RREB1: variants seen among roughly 807,000 people sequenced by gnomAD.
The protein encoded by RREB1 is ras-responsive element-binding protein 1.
Under a neutral mutation model 117.8 loss-of-function variants are expected in RREB1, and 27 were observed. The observed-to-expected ratio is 0.23, with a 90% CI of 0.17 to 0.32. RREB1 has a LOEUF of 0.32. Among genes scored for constraint, RREB1 ranks in the 10% least tolerant of loss-of-function variants. The pLI, the probability that RREB1 is intolerant of heterozygous loss-of-function variation, is 1.00. For synonymous variants in RREB1, 1,298 were observed against 1,026.7 expected (o/e 1.26, Z -5.05); for missense variants, 2,577 against 2,378.2 (o/e 1.08, Z -1.74).
intron 1 of RREB1, among the ~76,000 whole-genome samples, chr6:7,159,058 T>C (rs1432280769): frequency 4.6e-5 from 7 of 152,200 alleles, no homozygotes; most frequent in South Asian, 4.1e-4. Flanking sequence ...CCTCCTTTTA[T>C]AGCCGATTTA....
In RREB1 at chr6:7,251,014, GTTA is replaced by G. The variant is rs1018955535; in HGVS notation, c.*2055_*2057del. The G allele has an allele frequency of 5.9e-5, 9 of 151,752 alleles. No individual in the cohort carries two copies. Among genetic ancestry groups the G allele is most frequent in the African/African-American group, 1.2e-4 (5 of 41,286 alleles). The allele number at this position is 151,752 out of a possible 1,614,324, so 9.4% of individuals were successfully genotyped here. ...TACAGTTGTTATTGTTGTTTTTGTT[GTTA>G]TTATTATTTGGGGTTTCTTGTGTTT... On this transcript the variant is annotated 3_prime_UTR_variant, in exon 13 of 13. Transcript: ENST00000379938.
intron 8 of RREB1, among the ~76,000 whole-genome samples, chr6:7,224,467 G>A (rs1767460329): frequency 6.6e-6 from 1 of 152,044 alleles, no homozygotes; most frequent in African/African-American, 2.4e-5. Context: ...GTGGCGAGGT[G>A]ATGGATTGGC....
At chr6:7,119,867 G>A (rs1761595431) in intron 1 of RREB1, among the ~76,000 whole-genome samples, 1 of 152,296 alleles carries the variant, frequency 6.6e-6, no homozygotes, top group South Asian at 2.1e-4. Flanking sequence ...TTGAAAACCG[G>A]TGGTGGCAGT....
rs554401842 is a variant in RREB1, at chr6:7,211,746, G to A, written c.707+37G>A. On this transcript the variant is annotated intron_variant, in intron 8 of 12. Coordinates refer to ENST00000379938, the MANE Select transcript of RREB1 (RefSeq NM_001003699.4). ...AGTGAACTAGACCTTGTTCATTCCT[G>A]TTTCTCCTGGCATGTGACAATGTTC... 5.0e-6 allele frequency: 8 copies of A among 1,608,748 alleles called. No individual in the cohort carries two copies. The African/African-American group carries it at 9.3e-5, about 19-fold the overall frequency.
chr6:7,128,215 C>T (rs1218585666), intron 1 of RREB1, among the ~76,000 whole-genome samples: 1 of 152,176 alleles, frequency 6.6e-6, no homozygotes, highest in East Asian at 1.9e-4. Context: ...ATTTCCATCA[C>T]TGAAAACAGA....
chr6:7,237,927 C>T (rs923045416), intron 10 of RREB1, among the ~76,000 whole-genome samples: 1 of 152,164 alleles, frequency 6.6e-6, no homozygotes, highest in Non-Finnish European at 1.5e-5. Context: ...TTAATAGGGA[C>T]CTTCTCATGG....
At chr6:7,217,481 A>T (rs200254605) in intron 8 of RREB1, 3 of 152,076 alleles carry the variant, frequency 2.0e-5, no homozygotes, top group East Asian at 3.9e-4. Context: ...GGCATTAAGG[A>T]TGTGTGGGTC....
intron 1 of RREB1, among the ~76,000 whole-genome samples, chr6:7,113,322 T>C (rs189524601): frequency 6.6e-6 from 1 of 152,328 alleles, no homozygotes; most frequent in East Asian, 1.9e-4. Flanking sequence ...TGTTTTTCTC[T>C]AGTTTGCTTG....
At chr6:7,170,676 TC>T (rs1764164707) in intron 1 of RREB1, among the ~76,000 whole-genome samples, 1 of 152,200 alleles carries the variant, frequency 6.6e-6, no homozygotes, top group Non-Finnish European at 1.5e-5. Context: ...CCTGCATAGA[TC>T]CATTCCTCCC....
At chr6:7,172,052 C>T (rs775426312) in intron 1 of RREB1, among the ~76,000 whole-genome samples, 1 of 151,640 alleles carries the variant, frequency 6.6e-6, no homozygotes, top group Non-Finnish European at 1.5e-5. Context: ...CTCATGCAAT[C>T]CTCCTGCCTC....
intron 1 of RREB1, among the ~76,000 whole-genome samples, chr6:7,120,675 AT>A (rs5874078): frequency 0.62 from 89,576 of 145,544 alleles, 29,081 homozygotes; most frequent in Non-Finnish European, 0.74. Flanking sequence ...ATGTACACCT[AT>A]TTTTTTTTTT....
chr6:7,173,654 A>G (rs931283033), intron 1 of RREB1, among the ~76,000 whole-genome samples: 1 of 152,164 alleles, frequency 6.6e-6, no homozygotes, highest in African/African-American at 2.4e-5. Flanking sequence ...TCAACTAAAA[A>G]TGCAAAAATT....
At chr6:7,182,904 T>C (rs923253263) in intron 4 of RREB1, among the ~76,000 whole-genome samples, 1 of 152,222 alleles carries the variant, frequency 6.6e-6, no homozygotes, top group African/African-American at 2.4e-5. Flanking sequence ...GAACCAGCAA[T>C]GGATGAGAAA....
At chr6:7,206,586 A>AACTT (rs1766287411) in intron 6 of RREB1, among the ~76,000 whole-genome samples, 1 of 151,854 alleles carries the variant, frequency 6.6e-6, no homozygotes, top group East Asian at 1.9e-4. Context: ...GCTGTAATGG[A>AACTT]ACTTACTTTC....
At position 7,189,238 on chromosome 6, in the gene RREB1, G is replaced by A. The variant is rs1487179412; in HGVS notation, c.341G>A (p.Arg114His). 1 of 1,612,026 alleles carries A rather than the reference G, an allele frequency of 6.2e-7. No homozygotes were observed. Among genetic ancestry groups the A allele is most frequent in the Middle Eastern group, 1.7e-4 (1 of 6,058 alleles). ...KSLSSASSLD[R>H]HMLVHSGERP... ...CTGAGCTCGGCCAGCTCCCTCGATC[G>A]CCACATGCTGGTGCACTCTGGCGAG... Residue 114 changes from arginine to histidine, a missense_variant, in exon 6 of 13, where the codon CGC becomes CAC. By Grantham distance (29) the Arg-to-His change is conservative. Coordinates refer to ENST00000379938, the MANE Select transcript of RREB1 (RefSeq NM_001003699.4).
Position 7,246,518 on chromosome 6 carries a change from G to A in RREB1, c.4068G>A (p.Glu1356=). 1.3e-6 allele frequency: 2 copies of A among 1,546,404 alleles called. No homozygotes were observed. Among genetic ancestry groups the A allele is most frequent in the South Asian group, 2.4e-5 (2 of 83,998 alleles). ...AGCAGCCGTCGGAGGGCGCCACTGAGCTCCGCCAGGTCGCAGGGGATGCGC... is the reference window on the plus strand; with the variant it reads ...AGCAGCCGTCGGAGGGCGCCACTGAACTCCGCCAGGTCGCAGGGGATGCGC... ...DREQPSEGAT[E]LRQVAGDAPV... is the part of the protein sequence containing the mutation. The change falls in exon 12 of 13, where the codon GAG becomes GAA. Residue 1356 remains glutamate, a synonymous_variant. Transcript: ENST00000379938.
At chr6:7,225,156 C>T (rs899053186) in intron 8 of RREB1, among the ~76,000 whole-genome samples, 4 of 152,176 alleles carry the variant, frequency 2.6e-5, no homozygotes, top group African/African-American at 7.2e-5. Flanking sequence ...GCAGTGTGGA[C>T]GTAAGCAAGT....
chr6:7,237,586 C>T (rs924894203), intron 10 of RREB1, among the ~76,000 whole-genome samples: 1 of 152,206 alleles, frequency 6.6e-6, no homozygotes, highest in Non-Finnish European at 1.5e-5. Context: ...CCTGAGTGCG[C>T]AGGTAACTCA....
intron 6 of RREB1, among the ~76,000 whole-genome samples, chr6:7,207,019 A>G (rs1474593931): frequency 6.6e-6 from 1 of 152,166 alleles, no homozygotes; most frequent in Admixed American, 6.5e-5. Flanking sequence ...GAGTGGTATG[A>G]TTGGTCCTGT....
Sources: allele counts gnomAD v4.1 joint callset (sites outside exome capture counted in the v4.1 genomes callset), GRCh38; gene constraint gnomAD v4.1.1; transcripts MANE v1.5; gene names NCBI Gene and HGNC (gene_info 2026-07-23, HGNC 2026-07-21).